CHD2: variants seen among roughly 807,000 people sequenced by gnomAD.
The protein encoded by CHD2 is ATP-dependent chromatin remodeler CHD2.
A neutral mutation model predicts 243.9 loss-of-function variants in CHD2; 28 were observed. That is an observed-to-expected ratio of 0.11 (90% CI 0.09 to 0.16). The LOEUF (loss-of-function observed/expected upper bound fraction) is 0.16, where lower values mean the gene tolerates loss of function less well. Among genes scored for constraint, CHD2 ranks in the 10% least tolerant of loss-of-function variants. The pLI is 1.00. For synonymous variants in CHD2, 775 were observed against 779.0 expected, an observed-to-expected ratio of 0.99 and a Z score of 0.09; for missense variants, 1,386 against 2,209.8, an observed-to-expected ratio of 0.63 and a Z score of 7.47.
chr15:92,921,778 A>G (rs2141739505), intron 2 of CHD2, among the ~76,000 whole-genome samples: 1 of 152,292 alleles, frequency 6.6e-6, no homozygotes, highest in Non-Finnish European at 1.5e-5. Context: ...TTATGACACT[A>G]CTGGTAGATG....
intron 13 of CHD2, among the ~76,000 whole-genome samples, chr15:92,952,077 G>A (rs938057755): frequency 2.6e-5 from 4 of 152,136 alleles, no homozygotes; most frequent in African/African-American, 9.7e-5. Flanking sequence ...GCAATCTGAT[G>A]TCTTACATGT....
At chr15:92,974,815 C>T (rs1454846193) in intron 19 of CHD2, 64 bp from the exon 20 acceptor site, 3 of 1,455,074 alleles carry the variant, frequency 2.1e-6, no homozygotes, top group Non-Finnish European at 2.9e-6. Flanking sequence ...TCCAAGTCTG[C>T]TGTTCTATTC....
intron 17 of CHD2, 115 bp from the exon 18 acceptor site, chr15:92,971,650 T>A: frequency 1.2e-6 from 1 of 821,356 alleles, no homozygotes. Context: ...CTTCTTAAAC[T>A]TTTTTAGGCC....
chr15:92,926,146 A>G (rs1026738118), intron 3 of CHD2, among the ~76,000 whole-genome samples: 8 of 152,082 alleles, frequency 5.3e-5, no homozygotes, highest in Admixed American at 4.6e-4. Flanking sequence ...TAATTTTTAA[A>G]TTTTGTTGTA....
At chr15:93,012,292 A>C in intron 35 of CHD2, 53 bp from the exon 36 acceptor site, 1 of 1,263,958 alleles carries the variant, frequency 7.9e-7, no homozygotes, top group Non-Finnish European at 1.1e-6. Flanking sequence ...AGATCATAAA[A>C]AATTGCTTTT....
intron 16 of CHD2, among the ~76,000 whole-genome samples, chr15:92,966,371 GT>G (rs1173976453): frequency 6.6e-6 from 1 of 152,004 alleles, no homozygotes; most frequent in Non-Finnish European, 1.5e-5. Flanking sequence ...GCCAGAGATA[GT>G]TCAATTTTCA....
intron 24 of CHD2, 69 bp downstream of exon 24, chr15:92,981,526 C>T (rs2053980083): frequency 4.0e-6 from 5 of 1,251,838 alleles, no homozygotes; most frequent in Non-Finnish European, 4.6e-6. Flanking sequence ...TTTATGAACG[C>T]TTTCTTTGTG....
At chr15:93,009,070 G>A (rs1202023438) in intron 34 of CHD2, 75 bp from the exon 35 acceptor site, 12 of 1,510,228 alleles carry the variant, frequency 7.9e-6, no homozygotes, top group African/African-American at 1.4e-5. Flanking sequence ...TGTTTTCATC[G>A]AGAGCACAGT....
intron 2 of CHD2, chr15:92,904,472 CAGGG>C: frequency 1.0e-6 from 1 of 989,688 alleles, no homozygotes; most frequent in Middle Eastern, 2.8e-4. Flanking sequence ...TCCCCCTACC[CAGGG>C]AGCCGCACGC....
rs540484725 is a variant in CHD2 at position 93,006,555 on chromosome 15, T to C, written c.4413+1804T>C. On this transcript the variant is annotated intron_variant, in intron 34 of 38. Transcript: ENST00000394196. Reference sequence around the variant, plus strand: ...ATAGCTCACATTAATAGCCAGTTACTGTTTATGTGCTTTATATATATTTTT... The same window carrying C: ...ATAGCTCACATTAATAGCCAGTTACCGTTTATGTGCTTTATATATATTTTT... 5.3e-5 allele frequency among the ~76,000 whole-genome samples: 8 copies of C among 152,378 alleles called. No individual in the cohort carries two copies. In the South Asian group the frequency reaches 1.7e-3, roughly 32 times the overall value.
Position 92,939,559 on chromosome 15 carries a change from G to A in CHD2, c.552-19G>A. The A allele has an allele frequency of 1.2e-6, 2 of 1,607,066 alleles. No individual in the cohort carries two copies. The highest frequency in any genetic ancestry group is 2.2e-5 in the South Asian group (2 of 89,790). On this transcript the variant is annotated intron_variant, in intron 6 of 38. Coordinates refer to ENST00000394196, the MANE Select transcript of CHD2 (RefSeq NM_001271.4). ...TGATAAAGTGAAGACTTAGCCTTTT[G>A]TTTCTCTTCTCATTTTAGAACAGTG...
intron 24 of CHD2, 105 bp from the exon 25 acceptor site, chr15:92,984,225 C>G (rs762786083): frequency 1.2e-6 from 1 of 803,560 alleles, no homozygotes. Flanking sequence ...TCACAAAAGT[C>G]CTATTATTCA....
At chr15:92,901,991 C>G (rs576100556) in intron 2 of CHD2, 1 of 385,020 alleles carries the variant, frequency 2.6e-6, no homozygotes, top group African/African-American at 2.1e-5. Context: ...CTGGAATACT[C>G]TTAATATATA....
Position 92,966,109 on chromosome 15 carries a change from G to C in CHD2, c.2001-1216G>C, listed in dbSNP as rs1361504315. On this transcript the variant is annotated intron_variant, in intron 16 of 38. Coordinates refer to ENST00000394196, the MANE Select transcript of CHD2 (RefSeq NM_001271.4). ...GAGACAGAGTCTCACTGTCACCCAG[G>C]CTGGAGTGCAATGGCATGATCTTGG... Among the ~76,000 whole-genome samples the C allele has an allele frequency of 6.0e-5, 9 of 149,260 alleles. 1 individual carries two copies. Among genetic ancestry groups the C allele is most frequent in the African/African-American group, 2.2e-4 (9 of 40,428 alleles).
chr15:92,937,590 A>C lies in CHD2; in HGVS notation c.516A>C (p.Gln172His). The C allele has an allele frequency of 1.1e-5, 17 of 1,613,760 alleles. No homozygotes were observed. Among genetic ancestry groups the C allele is most frequent in the Non-Finnish European group, 1.4e-5 (17 of 1,179,814 alleles). Reference sequence around the variant, plus strand: ...CCAGTGCAGAGAGTGAGCCAGAACAAAAAAAAGTAAAAGCCAGAAGACCTG... The same window carrying C: ...CCAGTGCAGAGAGTGAGCCAGAACACAAAAAAGTAAAAGCCAGAAGACCTG... Reference protein sequence around the residue: ...QGTSAESEPEQKKVKARRPVP... With the variant: ...QGTSAESEPEHKKVKARRPVP... Residue 172 changes from glutamine (Q) to histidine (H), a missense_variant, in exon 6 of 39, where the codon CAA (glutamine) becomes CAC (histidine). Transcript: ENST00000394196.
At chr15:92,956,864 T>C (rs1441821687) in intron 16 of CHD2, among the ~76,000 whole-genome samples, 3 of 152,178 alleles carry the variant, frequency 2.0e-5, no homozygotes, top group African/African-American at 4.8e-5. Flanking sequence ...TATTGTCTGC[T>C]GAAAGGCTGA....
intron 27 of CHD2, 89 bp downstream of exon 27, chr15:92,991,606 C>A: frequency 2.3e-6 from 2 of 882,806 alleles, no homozygotes; most frequent in Non-Finnish European, 3.5e-6. Context: ...CCATTTAATA[C>A]TAATGCTGGG....
chr15:92,904,970 T>A (rs1450574054), intron 2 of CHD2: 4 of 1,535,966 alleles, frequency 2.6e-6, no homozygotes, highest in Non-Finnish European at 3.5e-6. Flanking sequence ...CTTGGTACCG[T>A]ACATTTTCTC....
chr15:92,905,155 C>G (rs907588113), intron 2 of CHD2: 5 of 728,276 alleles, frequency 6.9e-6, no homozygotes, highest in Non-Finnish European at 1.1e-5. Flanking sequence ...CAGAAAACTA[C>G]TCTTTTAAGT....
Sources: allele counts gnomAD v4.1 joint callset (sites outside exome capture counted in the v4.1 genomes callset), GRCh38; gene constraint gnomAD v4.1.1; transcripts MANE v1.5; gene names NCBI Gene and HGNC (gene_info 2026-07-23, HGNC 2026-07-21).